Variants in RPTOR observed in about 807,000 individuals in gnomAD.
RPTOR encodes regulatory associated protein of MTOR complex 1.
Under a neutral mutation model 169.9 loss-of-function variants are expected in RPTOR, and 21 were observed. The ratio of observed to expected loss-of-function variants is 0.12; its 90% CI spans 0.09 to 0.18. RPTOR has a LOEUF of 0.18. RPTOR is among the 10% of genes least tolerant of loss of function. RPTOR has a pLI of 1.00. For synonymous variants in RPTOR, 732 were observed against 753.2 expected, an observed-to-expected ratio of 0.97 and a Z score of 0.46; for missense variants, 1,133 against 1,855.9, an observed-to-expected ratio of 0.61 and a Z score of 7.16.
chr17:80,666,235 C>A lies in RPTOR; in HGVS notation c.348+22425C>A, dbSNP rs565738056. 3.3e-5 allele frequency among the ~76,000 whole-genome samples: 5 copies of A among 149,882 alleles called. No individual in the cohort carries two copies. In the East Asian group the frequency reaches 9.7e-4, roughly 29 times the overall value. ...CCTTGATATTATCTAAAATATTATT[C>A]TTCTCCAAAGTTGGTTTGCCAAAAT... On this transcript the variant is annotated intron_variant, in intron 3 of 33. Coordinates refer to ENST00000306801, the MANE Select transcript of RPTOR (RefSeq NM_020761.3).
chr17:80,761,423 T>C (rs1292256675), intron 6 of RPTOR, among the ~76,000 whole-genome samples: 7 of 152,210 alleles, frequency 4.6e-5, no homozygotes, highest in Non-Finnish European at 7.3e-5. Flanking sequence ...TGATAGAGCA[T>C]TAACGTGTAT....
At chr17:80,851,122 T>C (rs1304915787) in intron 11 of RPTOR, among the ~76,000 whole-genome samples, 1 of 152,036 alleles carries the variant, frequency 6.6e-6, no homozygotes, top group African/African-American at 2.4e-5. Context: ...AGAGACGGGG[T>C]TTCACCATGT....
At chr17:80,879,098 G>T (rs1003861949) in intron 13 of RPTOR, among the ~76,000 whole-genome samples, 1 of 152,280 alleles carries the variant, frequency 6.6e-6, no homozygotes, top group South Asian at 2.1e-4. Context: ...CCCCGGAGCA[G>T]CCCTGCTTGT....
chr17:80,784,728 C>T (rs1337829387), intron 6 of RPTOR, among the ~76,000 whole-genome samples: 2 of 146,972 alleles, frequency 1.4e-5, no homozygotes, highest in Admixed American at 1.4e-4. Flanking sequence ...GACAGAGTTT[C>T]GCTCTTTTTG....
intron 1 of RPTOR, among the ~76,000 whole-genome samples, chr17:80,615,425 T>TC (rs1265880809): frequency 1.3e-5 from 2 of 152,154 alleles, no homozygotes; most frequent in Non-Finnish European, 2.9e-5. Context: ...AGTCTTTTTT[T>TC]CCCCACCTTA....
chr17:80,911,514 G>T (rs1157811142), intron 21 of RPTOR, among the ~76,000 whole-genome samples: 3 of 152,218 alleles, frequency 2.0e-5, no homozygotes, highest in African/African-American at 7.2e-5. Context: ...GGGTGTGGTG[G>T]CTCACACCTG....
At chr17:80,953,915 G>C (rs191493052) in intron 28 of RPTOR, among the ~76,000 whole-genome samples, 1 of 152,234 alleles carries the variant, frequency 6.6e-6, no homozygotes, top group Non-Finnish European at 1.5e-5. Flanking sequence ...CCACCACGGC[G>C]CTCGTGCTTC....
intron 3 of RPTOR, among the ~76,000 whole-genome samples, chr17:80,688,886 A>C (rs749700619): frequency 2.6e-5 from 4 of 152,206 alleles, no homozygotes; most frequent in Non-Finnish European, 4.4e-5. Context: ...CTTCCACCCC[A>C]AGCCTGGTGG....
rs550160585 is a variant in RPTOR at position 80,947,869 on chromosome 17, G to T, written c.3265+518G>T. ...GGTCGCTGACCAGTGGTTCATTGCC[G>T]TAGTGGGTCTCACTCAGGTTTTGGT... On this transcript the variant is annotated intron_variant, in intron 27 of 33. Coordinates refer to ENST00000306801, the MANE Select transcript of RPTOR (RefSeq NM_020761.3). This position sits in a 1 kb window ranked among gnomAD's most constrained non-coding sequence, Gnocchi z 4.4. 6.6e-6 allele frequency among the ~76,000 whole-genome samples: 1 copy of T among 152,238 alleles called. No homozygotes were observed. The highest frequency in any genetic ancestry group is 1.5e-5 in the Non-Finnish European group (1 of 68,054).
intron 6 of RPTOR, chr17:80,774,257 C>T (rs2143427454): frequency 1.0e-6 from 1 of 985,426 alleles, no homozygotes; most frequent in South Asian, 4.7e-5. Flanking sequence ...GATGCTCACG[C>T]TCCGGTGTGA....
chr17:80,709,766 A>G (rs931822067), intron 4 of RPTOR, among the ~76,000 whole-genome samples: 16 of 151,944 alleles, frequency 1.1e-4, no homozygotes, highest in African/African-American at 3.9e-4. Flanking sequence ...AACCATTAAG[A>G]TCGCGCACCC....
At position 80,719,141 on chromosome 17, in the gene RPTOR, C is replaced by T. The variant is rs191838737; in HGVS notation, c.507+11142C>T. The stretch of plus-strand genomic sequence containing the variant: ...GTGAGAAGTAGGGGCAGACATGCTG[C>T]GGGCGGTTCCCAAAATACAGTTTCT... On this transcript the variant is annotated intron_variant, in intron 4 of 33. Transcript: ENST00000306801. 2.5e-3 allele frequency among the ~76,000 whole-genome samples: 377 copies of T among 152,160 alleles called. 5 individuals are homozygous for T. The highest frequency in any genetic ancestry group is 0.02 in the South Asian group (98 of 4,814).
intron 3 of RPTOR, among the ~76,000 whole-genome samples, chr17:80,670,219 G>C (rs998567211): frequency 2.0e-5 from 3 of 152,120 alleles, no homozygotes; most frequent in South Asian, 2.1e-4. Context: ...TCTCATTTCC[G>C]ACCATAATAC....
At chr17:80,918,898 G>A (rs2068712304) in intron 21 of RPTOR, among the ~76,000 whole-genome samples, 1 of 152,140 alleles carries the variant, frequency 6.6e-6, no homozygotes, top group Non-Finnish European at 1.5e-5. Context: ...CAGCACTCAT[G>A]TCTATGTCGC....
At chr17:80,716,006 C>T (rs542537912) in intron 4 of RPTOR, among the ~76,000 whole-genome samples, 9 of 152,198 alleles carry the variant, frequency 5.9e-5, no homozygotes, top group Non-Finnish European at 1.2e-4. Flanking sequence ...TTTGCAATTG[C>T]GAATTGTGCT....
Position 80,962,952 on chromosome 17 carries a change from C to T in RPTOR, c.3834C>T (p.Ala1278=), listed in dbSNP as rs2069364985. 1 of 1,613,700 alleles carries T rather than the reference C, an allele frequency of 6.2e-7. No individual in the cohort carries two copies. The highest frequency in any genetic ancestry group is 8.5e-7 in the Non-Finnish European group (1 of 1,179,958). The change falls in exon 33 of 34, where the codon GCC becomes GCT. Residue 1278 remains alanine (A), a synonymous_variant. Transcript: ENST00000306801. The part of the protein sequence containing the change: ...IACGSVNQFT[A]IYNSSGELIN... Reference sequence around the variant, plus strand: ...GTGGCTCCGTCAATCAGTTCACCGCCATCTACAACAGCAGCGGAGAGCTCA... The same window carrying T: ...GTGGCTCCGTCAATCAGTTCACCGCTATCTACAACAGCAGCGGAGAGCTCA...
In RPTOR at chr17:80,650,978, A is replaced by G. The variant is rs373620746; in HGVS notation, c.348+7168A>G. Among the ~76,000 whole-genome samples the G allele has an allele frequency of 2.1e-3, 319 of 152,268 alleles. 3 individuals carry two copies. Among genetic ancestry groups the G allele is most frequent in the African/African-American group, 7.1e-3 (294 of 41,540 alleles). ...CTCGAGGATATTATCTCTCATCATC[A>G]TGTTCCCTTTAACAAGGGAGTTGTC... On this transcript the variant is annotated intron_variant, in intron 3 of 33. Coordinates refer to ENST00000306801, the MANE Select transcript of RPTOR (RefSeq NM_020761.3).
At chr17:80,887,918 C>T (rs1398757157) in intron 17 of RPTOR, among the ~76,000 whole-genome samples, 1 of 152,116 alleles carries the variant, frequency 6.6e-6, no homozygotes, top group Non-Finnish European at 1.5e-5. Context: ...CTGCAGTCAG[C>T]AGCCACCCGT....
At chr17:80,837,864 G>A (rs2067582069) in intron 9 of RPTOR, 58 bp from the exon 10 acceptor site, 1 of 1,508,116 alleles carries the variant, frequency 6.6e-7, no homozygotes, top group Non-Finnish European at 9.1e-7. Flanking sequence ...CCTGTGAAGT[G>A]GCCTCGTGTG....
Sources: allele counts gnomAD v4.1 joint callset (sites outside exome capture counted in the v4.1 genomes callset), GRCh38; gene constraint gnomAD v4.1.1; non-coding constraint Gnocchi (gnomAD v3.1); transcripts MANE v1.5; gene names NCBI Gene and HGNC (gene_info 2026-07-23, HGNC 2026-07-21).